MUC4: variants seen among roughly 807,000 people sequenced by gnomAD.
MUC4 encodes mucin-4.
Under a neutral mutation model 257.9 loss-of-function variants are expected in MUC4, and 202 were observed. That is an observed-to-expected ratio of 0.78 (90% CI 0.70 to 0.88). MUC4 has a LOEUF of 0.88. Among genes scored for constraint, MUC4 ranks in the 40% least tolerant of loss-of-function variants. The pLI is 0.00. For missense variants in MUC4, 5,976 were observed against 6,513.7 expected (o/e 0.92, Z 2.84); for synonymous variants, 2,351 against 2,757.1 (o/e 0.85, Z 4.62).
intron 1 of MUC4, among the ~76,000 whole-genome samples, chr3:195,793,143 TAAAAAGAA>T (rs142871658): frequency 0.064 from 9,725 of 151,202 alleles, 491 homozygotes; most frequent in African/African-American, 0.14. Context: ...TGAAAAGAAA[TAAAAAGAA>T]AAAATGAAAA....
At chr3:195,777,838 A>ACCC (rs1560289717) in intron 3 of MUC4, among the ~76,000 whole-genome samples, 1 of 51,844 alleles carries the variant, frequency 1.9e-5, no homozygotes, top group Non-Finnish European at 3.7e-5. Flanking sequence ...TACCTTCCAC[A>ACCC]TCCATACCTT....
chr3:195,786,931 G>A lies in MUC4; in HGVS notation c.4649C>T (p.Thr1550Ile). 2 of 940,936 alleles carry A rather than the reference G, an allele frequency of 2.1e-6. No homozygotes were observed. Among genetic ancestry groups the A allele is most frequent in the Non-Finnish European group, 1.4e-6 (1 of 702,082 alleles). The allele number at this position is 940,936 out of a possible 1,614,324, so 58.3% of individuals were successfully genotyped here. ...AGCGTCGGTGACAGGAAGAGGGGTG[G>A]TGTCACCTGTGGATGCTGAGGAAGG... ...TSPSSASTGD[T>I]TPLPVTDASS... The change falls in exon 2 of 25, where the codon ACC becomes ATC. Residue 1550 changes from threonine (T) to isoleucine (I), a missense_variant. Physicochemically the swap from Thr to Ile is moderately conservative, Grantham distance 89. Coordinates refer to ENST00000463781, the MANE Select transcript of MUC4 (RefSeq NM_018406.7).
rs1378484760 is a variant in MUC4 at position 195,788,126 on chromosome 3, G to A, written c.3454C>T (p.Pro1152Ser). ...TSSVSTGHTT[P>S]LHVTDASSAS... The stretch of plus-strand genomic sequence containing the variant: ...GAGGAAGCATCAGTGACATGAAGAG[G>A]GGTGGTGTGACCTGTGGATACTGAG... The change falls in exon 2 of 25, where the codon CCT becomes TCT. Residue 1152 changes from proline to serine, a missense_variant. By Grantham distance (74) the Pro-to-Ser change is moderately conservative. Transcript: ENST00000463781. 9.4e-6 allele frequency: 14 copies of A among 1,496,980 alleles called. 2 individuals are homozygous for A. Among genetic ancestry groups the A allele is most frequent in the Middle Eastern group, 2.4e-4 (1 of 4,236 alleles). The allele number at this position is 1,496,980 out of a possible 1,614,324, so 92.7% of individuals were successfully genotyped here.
intron 18 of MUC4, 93 bp from the exon 19 acceptor site, chr3:195,754,465 G>T: frequency 6.9e-7 from 1 of 1,452,396 alleles, no homozygotes; most frequent in Admixed American, 2.2e-5. Flanking sequence ...CTGAGAACCC[G>T]TGGACCCTGA....
chr3:195,781,283 C>G lies in MUC4; in HGVS notation c.10297G>C (p.Ala3433Pro). The G allele has an allele frequency of 4.2e-6, 6 of 1,421,128 alleles. No homozygotes were observed. Among genetic ancestry groups the G allele is most frequent in the Non-Finnish European group, 5.7e-6 (6 of 1,057,882 alleles). 88.0% of individuals were successfully genotyped at this position (1,421,128 alleles called of 1,614,324 possible). A position where few individuals can be genotyped will look rare whatever the true frequency, so the allele number is the denominator to read the frequency against. Residue 3433 changes from alanine to proline, a missense_variant, in exon 2 of 25, where the codon GCA becomes CCA. By Grantham distance (27) the Ala-to-Pro change is conservative. Coordinates refer to ENST00000463781, the MANE Select transcript of MUC4 (RefSeq NM_018406.7). ...TPLPVTSTSSASTGHATPVPV... is the reference protein window; with the variant it reads ...TPLPVTSTSSPSTGHATPVPV... ...ACAGGGGTGGCGTGACCGGTGGATG[C>G]TGAGGAAGTGCTGGTGACAGGAAGA...
rs1051962987 is a variant in MUC4 at position 195,782,368 on chromosome 3, G to A, written c.9212C>T (p.Thr3071Ile). ...SPSSASTGHA[T>I]PLPVTDTSSA... Reference sequence around the variant, plus strand: ...GGAAGTGTCGGTGACAGGAAGCGGGGTGGCGTGACCGGTGGATGCTGAGGA... The same window carrying A: ...GGAAGTGTCGGTGACAGGAAGCGGGATGGCGTGACCGGTGGATGCTGAGGA... The change falls in exon 2 of 25, where the codon ACC becomes ATC. Residue 3071 changes from threonine (T) to isoleucine (I), a missense_variant. Thr to Ile is a moderately conservative substitution (Grantham distance 89). This residue lies in a region of MUC4 where 52 missense variants were observed against 102.2 expected (regional missense o/e 0.51). Coordinates refer to ENST00000463781, the MANE Select transcript of MUC4 (RefSeq NM_018406.7). 9.1e-6 allele frequency: 13 copies of A among 1,434,698 alleles called. No individual in the cohort carries two copies. Among genetic ancestry groups the A allele is most frequent in the Non-Finnish European group, 1.0e-5 (11 of 1,076,482 alleles). 88.9% of individuals were successfully genotyped at this position (1,434,698 alleles called of 1,614,324 possible). A position where few individuals can be genotyped will look rare whatever the true frequency, so the allele number is the denominator to read the frequency against.
In MUC4 at chr3:195,757,997, T is replaced by C. The variant is rs1718001693; in HGVS notation, c.14987-669A>G. Among the ~76,000 whole-genome samples the C allele has an allele frequency of 1.3e-5, 2 of 152,186 alleles. No individual in the cohort carries two copies. The highest frequency in any genetic ancestry group is 4.8e-5 in the African/African-American group (2 of 41,532). Reference sequence around the variant, plus strand: ...TGTCTCGCACCTGGGAGGACGCACATGGGGCAAAAGGGATGCAGGCAAAGC... The same window carrying C: ...TGTCTCGCACCTGGGAGGACGCACACGGGGCAAAAGGGATGCAGGCAAAGC... On this transcript the variant is annotated intron_variant, in intron 17 of 24. Transcript: ENST00000463781. This position sits in a 1 kb window ranked among gnomAD's most constrained non-coding sequence, Gnocchi z 4.8.
At chr3:195,804,795 G>T (rs1234232087) in intron 1 of MUC4, among the ~76,000 whole-genome samples, 2 of 152,250 alleles carry the variant, frequency 1.3e-5, no homozygotes, top group Admixed American at 1.3e-4. Flanking sequence ...CTTTGGCAGG[G>T]AGCTAATGCT....
Position 195,788,512 on chromosome 3 carries a change from G to C in MUC4, c.3068C>G (p.Thr1023Ser). 17 of 1,446,632 alleles carry C rather than the reference G, an allele frequency of 1.2e-5. No individual in the cohort carries two copies. The highest frequency in any genetic ancestry group is 1.6e-5 in the Non-Finnish European group (17 of 1,083,764). The allele number at this position is 1,446,632 out of a possible 1,614,324, so 89.6% of individuals were successfully genotyped here. ...SPSSVSTGHT[T>S]PLPVTDTSSE... ...GGAAGTGTCGGTGACAGGAAGAGGG[G>C]TGGTGTGACCTGTGGATACTGAGGA... The change falls in exon 2 of 25, where the codon ACC (threonine) becomes AGC (serine). Residue 1023 changes from threonine to serine, a missense_variant. Coordinates refer to ENST00000463781, the MANE Select transcript of MUC4 (RefSeq NM_018406.7).
In MUC4 at chr3:195,791,241, T is replaced by TATCTCCTGCGTAACA; in HGVS notation, c.338_339insTGTTACGCAGGAGAT (p.Thr113_Ala114insValThrGlnGluIle). On this transcript the variant is annotated inframe_insertion, in exon 2 of 25. Transcript: ENST00000463781. ...ATGTGGTCATTTCATCTGGAGGAGC[T>TATCTCCTGCGTAACA]GTCTCCATCACATTGTGTACACTTG... 2.5e-6 allele frequency: 4 copies of TATCTCCTGCGTAACA among 1,613,196 alleles called. No homozygotes were observed. The highest frequency in any genetic ancestry group is 1.1e-5 in the South Asian group (1 of 91,046).
chr3:195,800,517 G>A (rs1001500595), intron 1 of MUC4, among the ~76,000 whole-genome samples: 2 of 152,096 alleles, frequency 1.3e-5, no homozygotes, highest in Non-Finnish European at 1.5e-5. Flanking sequence ...CATTCGTTAC[G>A]ACAAAACTAC....
At position 195,757,195 on chromosome 3, in the gene MUC4, GCTC is replaced by G. The variant is rs760352152; in HGVS notation, c.15117_15119del (p.Glu5039_Ser5040delinsAsp). 1 of 1,612,292 alleles carries G rather than the reference GCTC, an allele frequency of 6.2e-7. No individual in the cohort carries two copies. The highest frequency in any genetic ancestry group is 8.5e-7 in the Non-Finnish European group (1 of 1,178,642). On this transcript the variant is annotated inframe_deletion, in exon 18 of 25. Transcript: ENST00000463781. This position sits in a 1 kb window ranked among gnomAD's most constrained non-coding sequence, Gnocchi z 4.8. ...TGCTGGTCTGATTGTACAAACACTG[GCTC>G]TCTGCATTGCAATGGCAGACCACAG... is the stretch of plus-strand genomic sequence containing the variant.
At position 195,786,930 on chromosome 3, in the gene MUC4, G is replaced by C. The variant is rs766896106; in HGVS notation, c.4650C>G (p.Thr1550=). Residue 1550 remains threonine (T), a synonymous_variant, in exon 2 of 25, where the codon ACC becomes ACG. Coordinates refer to ENST00000463781, the MANE Select transcript of MUC4 (RefSeq NM_018406.7). The part of the protein sequence containing the change: ...TSPSSASTGD[T]TPLPVTDASS... Reference sequence around the variant, plus strand: ...AAGCGTCGGTGACAGGAAGAGGGGTGGTGTCACCTGTGGATGCTGAGGAAG... The same window carrying C: ...AAGCGTCGGTGACAGGAAGAGGGGTCGTGTCACCTGTGGATGCTGAGGAAG... The C allele has an allele frequency of 2.5e-5, 24 of 945,962 alleles. 1 individual carries two copies. The highest frequency in any genetic ancestry group is 3.1e-5 in the Non-Finnish European group (22 of 706,422). 58.6% of individuals were successfully genotyped at this position (945,962 alleles called of 1,614,324 possible).
chr3:195,794,377 G>T (rs76694730), intron 1 of MUC4, among the ~76,000 whole-genome samples: 30,794 of 148,034 alleles, frequency 0.21, 3,640 homozygotes, highest in African/African-American at 0.34. Context: ...TATATATAGA[G>T]AGAGAGAGAG....
At position 195,781,470 on chromosome 3, in the gene MUC4, G is replaced by A. The variant is rs1273579118; in HGVS notation, c.10110C>T (p.Ser3370=). 1.3e-6 allele frequency: 2 copies of A among 1,542,374 alleles called. No individual in the cohort carries two copies. Among genetic ancestry groups the A allele is most frequent in the Non-Finnish European group, 8.7e-7 (1 of 1,144,518 alleles). ...CAGGAAGACGGGTGGTGTCACCTGT[G>A]GAAGCTGAGGAAAGGCCGGTGACAG... The part of the protein sequence containing the change: ...PLPVTGLSSA[S]TGDTTRLPVT... The change falls in exon 2 of 25, where the codon TCC becomes TCT. Residue 3370 remains serine (S), a synonymous_variant. Transcript: ENST00000463781.
rs1422304627 is a variant in MUC4, at chr3:195,757,114, A to G, written c.15168+33T>C. 1 of 1,572,614 alleles carries G rather than the reference A, an allele frequency of 6.4e-7. No homozygotes were observed. Among genetic ancestry groups the G allele is most frequent in the Non-Finnish European group, 8.7e-7 (1 of 1,150,494 alleles). On this transcript the variant is annotated intron_variant, in intron 18 of 24. Transcript: ENST00000463781. The surrounding 1 kb of genome is among the most constrained non-coding windows in gnomAD (Gnocchi z 4.8). ...CACTCCCATTTCCTCTCCCCTCGGC[A>G]CAGAAACTCCTCCCCCACCTCCCAA...
At position 195,748,962 on chromosome 3, in the gene MUC4, C is replaced by A; in HGVS notation, c.15974G>T (p.Ser5325Ile). ...GCCTCCATGGTCACAGTAGCCCCTA[C>A]TGCACGGGGACACGCAGGTGAAGCC... ...QSGFTCVSPC[S>I]RGYCDHGGQC... The change falls in exon 24 of 25, where the codon AGT (serine) becomes ATT (isoleucine). Residue 5325 changes from serine (S) to isoleucine (I), a missense_variant. Physicochemically the swap from Ser to Ile is moderately radical, Grantham distance 142. This residue lies in a region of MUC4 where 310 missense variants were observed against 242.1 expected (regional missense o/e 1.28). Coordinates refer to ENST00000463781, the MANE Select transcript of MUC4 (RefSeq NM_018406.7). 6.2e-7 allele frequency: 1 copy of A among 1,608,056 alleles called. No homozygotes were observed.
intron 7 of MUC4, among the ~76,000 whole-genome samples, chr3:195,767,639 C>T (rs1473546366): frequency 9.3e-5 from 11 of 117,910 alleles, no homozygotes; most frequent in African/African-American, 1.4e-4. Flanking sequence ...ATCACCACCA[C>T]CATCGCCACC....
rs1426619204 is a variant in MUC4 at position 195,780,310 on chromosome 3, T to G, written c.11270A>C (p.His3757Pro). Residue 3757 changes from histidine to proline, a missense_variant, in exon 2 of 25, where the codon CAC becomes CCC. By Grantham distance (77) the His-to-Pro change is moderately conservative. Coordinates refer to ENST00000463781, the MANE Select transcript of MUC4 (RefSeq NM_018406.7). ...VTSTSSASTGHATPLLVTDAS... is the reference protein window; with the variant it reads ...VTSTSSASTGPATPLLVTDAS... ...GTCGGTGACAAGAAGAGGGGTGGCG[T>G]GACCTGTGGATGCTGAGGAAGTGCT... 1 of 1,526,666 alleles carries G rather than the reference T, an allele frequency of 6.6e-7. No homozygotes were observed. The highest frequency in any genetic ancestry group is 2.0e-5 in the Admixed American group (1 of 49,648). 94.6% of individuals were successfully genotyped at this position (1,526,666 alleles called of 1,614,324 possible). A position where few individuals can be genotyped will look rare whatever the true frequency, so the allele number is the denominator to read the frequency against.
Sources: gnomAD v4.1 joint callset for allele counts (sites outside exome capture counted in the v4.1 genomes callset) on GRCh38, gnomAD v4.1.1 for gene constraint, gnomAD v4.1.1 regional missense constraint, Gnocchi (gnomAD v3.1) non-coding constraint, MANE v1.5 for transcripts, NCBI Gene and HGNC (gene_info 2026-07-23, HGNC 2026-07-21) for gene names.